Variants in TSHZ2 observed in about 807,000 individuals in gnomAD.
TSHZ2 encodes the protein teashirt homolog 2.
In TSHZ2, 21 loss-of-function variants were observed where a neutral mutation model predicts 74.4. The observed-to-expected ratio is 0.28, with a 90% CI of 0.20 to 0.41. TSHZ2 has a LOEUF of 0.41. TSHZ2 is among the 10% of genes least tolerant of loss of function. The pLI is 1.00. For missense variants in TSHZ2, 1,244 were observed against 1,293.5 expected, an observed-to-expected ratio of 0.96 and a Z score of 0.59; for synonymous variants, 540 against 515.3, an observed-to-expected ratio of 1.05 and a Z score of -0.65.
intron 2 of TSHZ2, among the ~76,000 whole-genome samples, chr20:53,384,293 G>A (rs567773425): frequency 5.3e-4 from 81 of 152,308 alleles, no homozygotes; most frequent in African/African-American, 1.8e-3. Flanking sequence ...ATTACTGAAG[G>A]CGAGGGATTT....
At chr20:53,347,787 G>C (rs1351388236) in intron 2 of TSHZ2, among the ~76,000 whole-genome samples, 7 of 152,048 alleles carry the variant, frequency 4.6e-5, no homozygotes, top group African/African-American at 1.7e-4. Flanking sequence ...TATTCCTCCT[G>C]ATGCTCTTTT....
chr20:53,095,427 C>A (rs1016365473), intron 1 of TSHZ2, among the ~76,000 whole-genome samples: 1 of 152,184 alleles, frequency 6.6e-6, no homozygotes, highest in Non-Finnish European at 1.5e-5. Flanking sequence ...CATGCGACAG[C>A]TGGAGCTGGG....
At chr20:53,329,722 G>C (rs766042042) in intron 2 of TSHZ2, among the ~76,000 whole-genome samples, 1 of 152,126 alleles carries the variant, frequency 6.6e-6, no homozygotes, top group African/African-American at 2.4e-5. Context: ...GTAGTTTTCC[G>C]TAACTTTTCT....
chr20:53,437,865 G>C (rs555229500), intron 2 of TSHZ2, among the ~76,000 whole-genome samples: 2 of 152,172 alleles, frequency 1.3e-5, no homozygotes, highest in South Asian at 4.1e-4. Context: ...TCTCTCTTGC[G>C]TGTGATGTGC....
intron 1 of TSHZ2, among the ~76,000 whole-genome samples, chr20:53,182,127 TCTCCCTCCCTTCTCTCC>T (rs1988486198): frequency 6.7e-6 from 1 of 150,214 alleles, no homozygotes; most frequent in Non-Finnish European, 1.5e-5. Flanking sequence ...CCCTTCTTTC[TCTCCCTCCCTTCTCTCC>T]CTCCCTCCCT....
intron 2 of TSHZ2, among the ~76,000 whole-genome samples, chr20:53,289,563 T>C (rs4809926): frequency 0.29 from 44,831 of 152,146 alleles, 7,528 homozygotes; most frequent in South Asian, 0.4. Flanking sequence ...CCTTAATAAT[T>C]AGTGATGCTG....
At chr20:53,109,294 C>T (rs1986464590) in intron 1 of TSHZ2, among the ~76,000 whole-genome samples, 2 of 152,216 alleles carry the variant, frequency 1.3e-5, no homozygotes, top group African/African-American at 4.8e-5. Flanking sequence ...CATCTACTCT[C>T]AGGTAATAAT....
At chr20:53,050,103 G>GTATGTGTATATATATATATATA (rs1422702818) in intron 1 of TSHZ2, among the ~76,000 whole-genome samples, 1 of 116,068 alleles carries the variant, frequency 8.6e-6, no homozygotes, top group African/African-American at 3.9e-5. Flanking sequence ...GTATATGTGT[G>GTATGTGTATATATATATATATA]TATATATATA....
intron 1 of TSHZ2, among the ~76,000 whole-genome samples, chr20:53,141,064 G>T (rs528447653): frequency 1.3e-4 from 20 of 152,324 alleles, no homozygotes; most frequent in African/African-American, 4.8e-4. Flanking sequence ...GGGAATATTT[G>T]TTAAGTGTTT....
intron 1 of TSHZ2, among the ~76,000 whole-genome samples, chr20:53,001,250 G>GTT (rs1568713644): frequency 7.8e-5 from 10 of 128,956 alleles, no homozygotes; most frequent in African/African-American, 1.7e-4. Context: ...GTGTGTGTGT[G>GTT]TGTGTTTGGG....
At chr20:53,269,274 A>T (rs1990780085) in intron 2 of TSHZ2, among the ~76,000 whole-genome samples, 2 of 145,344 alleles carry the variant, frequency 1.4e-5, no homozygotes, top group South Asian at 4.8e-4. Context: ...TTAAATTAAG[A>T]TGTGAAATGG....
chr20:53,272,263 G>T (rs1404140483), intron 2 of TSHZ2, among the ~76,000 whole-genome samples: 3 of 152,032 alleles, frequency 2.0e-5, no homozygotes, highest in African/African-American at 4.8e-5. Flanking sequence ...GCCTGCCTCG[G>T]CCTCCCAAAG....
At chr20:53,362,192 G>GT (rs57935374) in intron 2 of TSHZ2, among the ~76,000 whole-genome samples, 30,073 of 145,296 alleles carry the variant, frequency 0.21, 3,511 homozygotes, top group South Asian at 0.38. Flanking sequence ...TTGTTTTTTT[G>GT]TTTTTTTTTT....
chr20:53,066,268 G>A (rs936668912), intron 1 of TSHZ2, among the ~76,000 whole-genome samples: 1 of 113,764 alleles, frequency 8.8e-6, no homozygotes, highest in Non-Finnish European at 1.9e-5. Flanking sequence ...GACTCCACTC[G>A]AGGCCAAGGA....
At chr20:53,217,593 C>A (rs1272445105) in intron 1 of TSHZ2, among the ~76,000 whole-genome samples, 1 of 152,156 alleles carries the variant, frequency 6.6e-6, no homozygotes, top group African/African-American at 2.4e-5. Flanking sequence ...CATGGCAGAT[C>A]CCTGGTGCTC....
At chr20:53,227,441 T>C (rs1445035368) in intron 1 of TSHZ2, among the ~76,000 whole-genome samples, 1 of 148,118 alleles carries the variant, frequency 6.8e-6, no homozygotes, top group African/African-American at 2.5e-5. Flanking sequence ...TCTTTATTAT[T>C]GCCTTAGTAA....
At chr20:53,265,939 A>T (rs1482024661) in intron 2 of TSHZ2, among the ~76,000 whole-genome samples, 1 of 152,068 alleles carries the variant, frequency 6.6e-6, no homozygotes, top group Admixed American at 6.5e-5. Context: ...AATATTTGTC[A>T]GACACTTCTT....
At position 53,264,513 on chromosome 20, in the gene TSHZ2, G is replaced by C. The variant is rs149025406; in HGVS notation, c.*8+7942G>C. On this transcript the variant is annotated intron_variant, in intron 2 of 2. Transcript: ENST00000371497. The stretch of plus-strand genomic sequence containing the variant: ...GAACATGTGTAACGGTGCCTTGGCT[G>C]TATTTGCTACAAAGAGTGGAATCTT... Among the ~76,000 whole-genome samples the C allele has an allele frequency of 7.2e-5, 11 of 152,322 alleles. No individual in the cohort carries two copies. In the East Asian group the frequency reaches 2.1e-3, roughly 29 times the overall value.
chr20:53,460,552 A>G (rs1190538838), intron 2 of TSHZ2, among the ~76,000 whole-genome samples: 2 of 152,218 alleles, frequency 1.3e-5, no homozygotes, highest in Non-Finnish European at 2.9e-5. Context: ...TCAGCTCATC[A>G]AAGTCATTCT....
Sources: allele counts gnomAD v4.1 joint callset (sites outside exome capture counted in the v4.1 genomes callset), GRCh38; gene constraint gnomAD v4.1.1; transcripts MANE v1.5; gene names NCBI Gene and HGNC (gene_info 2026-07-23, HGNC 2026-07-21).